MIS18BP1: variants seen among roughly 807,000 people sequenced by gnomAD.
MIS18BP1 encodes the protein MIS18 binding protein 1.
Under a neutral mutation model 116.1 loss-of-function variants are expected in MIS18BP1, and 72 were observed. The observed-to-expected ratio is 0.62, with a 90% CI of 0.51 to 0.75. MIS18BP1 has a LOEUF of 0.75. Among genes scored for constraint, MIS18BP1 ranks in the 30% least tolerant of loss-of-function variants. MIS18BP1 has a pLI of 0.00. For synonymous variants in MIS18BP1, 386 were observed against 427.0 expected (o/e 0.90, Z 1.18); for missense variants, 1,363 against 1,303.2 (o/e 1.05, Z -0.71).
chr14:45,237,846 G>A, intron 4 of MIS18BP1, 125 bp from the exon 5 acceptor site: 2 of 1,295,904 alleles, frequency 1.5e-6, no homozygotes, highest in Non-Finnish European at 1.0e-6. Flanking sequence ...TGTCATCGAT[G>A]TAAGATTCAC....
At chr14:45,233,964 C>A (rs191957364) in intron 6 of MIS18BP1, among the ~76,000 whole-genome samples, 47 of 151,984 alleles carry the variant, frequency 3.1e-4, no homozygotes, top group African/African-American at 1.1e-3. Context: ...CAGCATACCA[C>A]GCAGTGTATT....
At chr14:45,220,112 T>C (rs375822532) in intron 11 of MIS18BP1, among the ~76,000 whole-genome samples, 3,973 of 152,118 alleles carry the variant, frequency 0.026, 80 homozygotes, top group Middle Eastern at 0.058. Context: ...TCTTTTTTTT[T>C]TAAAGAGACA....
chr14:45,208,178 T>C (rs1230888185), intron 14 of MIS18BP1, among the ~76,000 whole-genome samples: 3 of 152,226 alleles, frequency 2.0e-5, no homozygotes, highest in East Asian at 1.9e-4. Flanking sequence ...TTCCATTATA[T>C]GGATAAATCT....
At chr14:45,214,110 G>C (rs1301649168) in intron 13 of MIS18BP1, among the ~76,000 whole-genome samples, 1 of 152,206 alleles carries the variant, frequency 6.6e-6, no homozygotes, top group Non-Finnish European at 1.5e-5. Flanking sequence ...GGAAGGGAAA[G>C]ACCTTACTGT....
chr14:45,223,066 AAAAACAAAAC>A (rs79248229), intron 11 of MIS18BP1, among the ~76,000 whole-genome samples: 74 of 151,988 alleles, frequency 4.9e-4, no homozygotes, highest in South Asian at 2.1e-3. Context: ...GAGAAAAGAC[AAAAACAAAAC>A]AAAACAAAAC....
intron 5 of MIS18BP1, 127 bp from the exon 6 acceptor site, chr14:45,236,071 G>A (rs1230429853): frequency 1.2e-6 from 1 of 858,556 alleles, no homozygotes; most frequent in Non-Finnish European, 1.8e-6. Flanking sequence ...AATATTTGAA[G>A]GCCAAACATT....
chr14:45,237,599 T>C (rs759195674), intron 5 of MIS18BP1, 49 bp downstream of exon 5: 4 of 1,567,700 alleles, frequency 2.6e-6, no homozygotes, highest in Non-Finnish European at 3.5e-6. Flanking sequence ...CTTAAGTGCT[T>C]ACACATAACT....
intron 2 of MIS18BP1, among the ~76,000 whole-genome samples, chr14:45,244,334 C>A (rs1385968474): frequency 3.3e-5 from 5 of 152,308 alleles, no homozygotes; most frequent in Non-Finnish European, 7.3e-5. Flanking sequence ...GTGACTGAAA[C>A]TCATTAAAAT....
At chr14:45,217,423 A>T (rs1890852879) in intron 12 of MIS18BP1, among the ~76,000 whole-genome samples, 1 of 152,080 alleles carries the variant, frequency 6.6e-6, no homozygotes, top group Admixed American at 6.5e-5. Context: ...CCCCATCTCT[A>T]AAAAAATACA....
chr14:45,236,025 A>G (rs1891421134), intron 5 of MIS18BP1, 81 bp from the exon 6 acceptor site: 3 of 1,231,592 alleles, frequency 2.4e-6, no homozygotes, highest in Non-Finnish European at 3.4e-6. Flanking sequence ...CACTTTAGCT[A>G]CAGCAACACT....
chr14:45,246,733 T>C lies in MIS18BP1; in HGVS notation c.544+10A>G, dbSNP rs1566823258. 1 of 1,542,900 alleles carries C rather than the reference T, an allele frequency of 6.5e-7. No individual in the cohort carries two copies. The stretch of plus-strand genomic sequence containing the variant: ...ACATTACAGCTTTTTAGCTAACACA[T>C]AAAACTAACCTCTTAGTGAACTGTC... On this transcript the variant is annotated intron_variant, in intron 2 of 16. Transcript: ENST00000310806.
chr14:45,211,677 C>T (rs1474234174), intron 13 of MIS18BP1, among the ~76,000 whole-genome samples: 1 of 152,166 alleles, frequency 6.6e-6, no homozygotes, highest in Non-Finnish European at 1.5e-5. Context: ...GTGGCCCATA[C>T]AGGGAGCCCT....
chr14:45,215,431 A>AT (rs1395867567), intron 13 of MIS18BP1, among the ~76,000 whole-genome samples: 2 of 151,458 alleles, frequency 1.3e-5, no homozygotes, highest in African/African-American at 2.4e-5. Flanking sequence ...AATCTTAATA[A>AT]TTTTTTTTTC....
intron 3 of MIS18BP1, 65 bp downstream of exon 3, chr14:45,242,696 A>G (rs1019597409): frequency 1.5e-4 from 229 of 1,480,268 alleles, no homozygotes; most frequent in Non-Finnish European, 2.0e-4. Context: ...CAAGGAAAGT[A>G]ATTACCTAGA....
chr14:45,223,438 G>A (rs551721939), intron 11 of MIS18BP1, among the ~76,000 whole-genome samples: 35 of 152,216 alleles, frequency 2.3e-4, no homozygotes, highest in African/African-American at 6.0e-4. Context: ...TTAGCCAGGC[G>A]TGGCAGCGTG....
At chr14:45,229,603 CTT>C (rs1304311486) in intron 8 of MIS18BP1, among the ~76,000 whole-genome samples, 2 of 151,952 alleles carry the variant, frequency 1.3e-5, no homozygotes, top group Admixed American at 6.6e-5. Context: ...ATTCATTTCT[CTT>C]GTCAATAGCT....
In MIS18BP1 at chr14:45,242,161, G is replaced by C; in HGVS notation, c.1016C>G (p.Thr339Arg). Residue 339 changes from threonine (T) to arginine (R), a missense_variant, in exon 4 of 17, where the codon ACA (threonine) becomes AGA (arginine). Transcript: ENST00000310806. ...TGGTGTTGCAAGTACAATTTTACATGTATCTTTCATGGAACCTGGAAGACC... is the reference window on the plus strand; with the variant it reads ...TGGTGTTGCAAGTACAATTTTACATCTATCTTTCATGGAACCTGGAAGACC... ...ETGLPGSMKD[T>R]CKIVLATPRL... 1 of 1,614,024 alleles carries C rather than the reference G, an allele frequency of 6.2e-7. No homozygotes were observed. Among genetic ancestry groups the C allele is most frequent in the Non-Finnish European group, 8.5e-7 (1 of 1,179,986 alleles).
intron 11 of MIS18BP1, 93 bp from the exon 12 acceptor site, chr14:45,218,547 G>A: frequency 3.5e-6 from 4 of 1,138,416 alleles, no homozygotes; most frequent in Non-Finnish European, 4.8e-6. Context: ...GAGATTTACT[G>A]AGATGAAGGA....
At chr14:45,252,141 T>C (rs1454614413) in intron 1 of MIS18BP1, among the ~76,000 whole-genome samples, 1 of 152,188 alleles carries the variant, frequency 6.6e-6, no homozygotes, top group Non-Finnish European at 1.5e-5. Flanking sequence ...GAACCGATTC[T>C]ACCCGACTCC....
Sources: gnomAD v4.1 joint callset for allele counts (sites outside exome capture counted in the v4.1 genomes callset) on GRCh38, gnomAD v4.1.1 for gene constraint, MANE v1.5 for transcripts, NCBI Gene and HGNC (gene_info 2026-07-23, HGNC 2026-07-21) for gene names.